ATP12A: variants seen among roughly 807,000 people sequenced by gnomAD.
ATP12A encodes the protein potassium-transporting ATPase alpha chain 2.
Under a neutral mutation model 111.2 loss-of-function variants are expected in ATP12A, and 81 were observed. That is an observed-to-expected ratio of 0.73 (90% CI 0.61 to 0.88). The LOEUF is 0.88. ATP12A is among the 40% of genes least tolerant of loss of function. The pLI, the probability that ATP12A is intolerant of heterozygous loss-of-function variation, is 0.00. For synonymous variants in ATP12A, 498 were observed against 499.8 expected, an observed-to-expected ratio of 1.00 and a Z score of 0.05; for missense variants, 1,196 against 1,313.1, an observed-to-expected ratio of 0.91 and a Z score of 1.38.
At chr13:24,684,002 T>C (rs1360562158) in intron 2 of ATP12A, among the ~76,000 whole-genome samples, 1 of 152,080 alleles carries the variant, frequency 6.6e-6, no homozygotes, top group Non-Finnish European at 1.5e-5. Flanking sequence ...GTGGGTGGGG[T>C]GCTGCCCTGT....
intron 17 of ATP12A, among the ~76,000 whole-genome samples, chr13:24,708,949 G>T (rs1373964060): frequency 2.1e-5 from 3 of 140,456 alleles, no homozygotes; most frequent in African/African-American, 8.0e-5. Context: ...AAGAAAGAAA[G>T]AAAGAAAGAA....
intron 17 of ATP12A, among the ~76,000 whole-genome samples, chr13:24,708,882 GA>G (rs1875790532): frequency 1.1e-5 from 1 of 92,172 alleles, no homozygotes; most frequent in Non-Finnish European, 2.5e-5. Flanking sequence ...GAAAGAGAGA[GA>G]AAGAGAAAGA....
chr13:24,710,643 G>A (rs1328500287), intron 20 of ATP12A, 50 bp downstream of exon 20: 3 of 1,611,932 alleles, frequency 1.9e-6, no homozygotes, highest in Admixed American at 3.3e-5. Flanking sequence ...TGCCGTGCAA[G>A]GATGATGATG....
intron 11 of ATP12A, among the ~76,000 whole-genome samples, chr13:24,695,902 C>G (rs1172850572): frequency 1.3e-5 from 2 of 152,168 alleles, no homozygotes; most frequent in Non-Finnish European, 2.9e-5. Context: ...AGCCACCAAG[C>G]CCAGCCTAGA....
intron 12 of ATP12A, 56 bp from the exon 13 acceptor site, chr13:24,700,690 AT>A (rs947474353): frequency 1.4e-4 from 222 of 1,532,630 alleles, no homozygotes; most frequent in Middle Eastern, 3.8e-4. Context: ...TTCTCCTCTT[AT>A]TTTTTTTCGT....
intron 11 of ATP12A, 61 bp from the exon 12 acceptor site, chr13:24,698,597 A>G (rs1875263962): frequency 6.5e-7 from 1 of 1,529,698 alleles, no homozygotes; most frequent in Admixed American, 1.7e-5. Flanking sequence ...ATGGACCAGT[A>G]GAGAAGAAGG....
intron 3 of ATP12A, among the ~76,000 whole-genome samples, chr13:24,686,257 A>G (rs1259522312): frequency 3.3e-5 from 5 of 151,760 alleles, no homozygotes; most frequent in Non-Finnish European, 5.9e-5. Context: ...TGACCAACAT[A>G]GTGAAACCCC....
intron 21 of ATP12A, 68 bp from the exon 22 acceptor site, chr13:24,711,242 GCCCCATTC>G: frequency 7.5e-7 from 1 of 1,325,004 alleles, no homozygotes; most frequent in Non-Finnish European, 1.1e-6. Context: ...TGAACGAGAA[GCCCCATTC>G]CCATTGGGCA....
chr13:24,702,653 C>T (rs1875446926), intron 14 of ATP12A, among the ~76,000 whole-genome samples: 1 of 152,208 alleles, frequency 6.6e-6, no homozygotes, highest in African/African-American at 2.4e-5. Context: ...TACATTCACT[C>T]ATGTATTTGT....
chr13:24,690,974 C>T lies in ATP12A; in HGVS notation c.800-8C>T, dbSNP rs1874871335. ...ACCCCTGGAATAAAGCATCTACTTC[C>T]CCTGTAGGCACTGTCACCGGCATGG... On this transcript the variant is annotated splice_polypyrimidine_tract_variant and splice_region_variant and intron_variant, in intron 7 of 22. Coordinates refer to ENST00000381946, the MANE Select transcript of ATP12A (RefSeq NM_001676.7). The T allele has an allele frequency of 6.2e-7, 1 of 1,613,794 alleles. No homozygotes were observed. Among genetic ancestry groups the T allele is most frequent in the African/African-American group, 1.3e-5 (1 of 74,906 alleles).
At chr13:24,709,951 C>T (rs1408239557) in intron 19 of ATP12A, 123 bp downstream of exon 19, 17 of 1,403,772 alleles carry the variant, frequency 1.2e-5, no homozygotes, top group Admixed American at 2.1e-5. Context: ...TAATAGGGCT[C>T]AGGGCCCCCT....
At chr13:24,696,050 C>G (rs1483033701) in intron 11 of ATP12A, among the ~76,000 whole-genome samples, 1 of 152,078 alleles carries the variant, frequency 6.6e-6, no homozygotes, top group Non-Finnish European at 1.5e-5. Flanking sequence ...TACGTAAAAC[C>G]AAAGTGAAAA....
At position 24,707,496 on chromosome 13, in the gene ATP12A, G is replaced by A. The variant is rs536130707; in HGVS notation, c.2493+63G>A. On this transcript the variant is annotated intron_variant, in intron 17 of 22. Coordinates refer to ENST00000381946, the MANE Select transcript of ATP12A (RefSeq NM_001676.7). ...CCCAGGGGAGGTCAAGTTCAGGGTC[G>A]CTACCTTCAAGGGCCGGGGATGGAC... 2.8e-5 allele frequency: 44 copies of A among 1,599,608 alleles called. 1 individual carries two copies. The highest frequency in any genetic ancestry group is 5.1e-5 in the Admixed American group (3 of 59,356).
rs1875360295 is a variant in ATP12A at position 24,700,812 on chromosome 13, A to G, written c.1771A>G (p.Met591Val). 3 of 1,614,116 alleles carry G rather than the reference A, an allele frequency of 1.9e-6. No individual in the cohort carries two copies. Among genetic ancestry groups the G allele is most frequent in the Non-Finnish European group, 2.5e-6 (3 of 1,180,026 alleles). ...AACCTACTCATTTGACATAGACGCT[A>G]TGAACTTTCCGACCTCCAACCTCTG... ...PETYSFDIDA[M>V]NFPTSNLCFV... The change falls in exon 13 of 23, where the codon ATG becomes GTG. Residue 591 changes from methionine to valine, a missense_variant. This residue lies in a region of ATP12A where 1,126 missense variants were observed against 1,228.5 expected (regional missense o/e 0.92). Coordinates refer to ENST00000381946, the MANE Select transcript of ATP12A (RefSeq NM_001676.7).
chr13:24,690,221 G>A (rs1220802242), intron 5 of ATP12A, 117 bp from the exon 6 acceptor site: 1 of 1,484,738 alleles, frequency 6.7e-7, no homozygotes, highest in Non-Finnish European at 9.1e-7. Flanking sequence ...GGACTCAACA[G>A]TGAGAGTGAT....
intron 12 of ATP12A, among the ~76,000 whole-genome samples, chr13:24,699,184 G>A (rs1189047359): frequency 6.6e-6 from 1 of 152,184 alleles, no homozygotes; most frequent in Non-Finnish European, 1.5e-5. Context: ...ACGGCGTGGG[G>A]CACATTGGGT....
intron 4 of ATP12A, among the ~76,000 whole-genome samples, chr13:24,688,825 C>T (rs1235605247): frequency 6.6e-6 from 1 of 152,098 alleles, no homozygotes; most frequent in Non-Finnish European, 1.5e-5. Context: ...CTGTGCCTGC[C>T]GAGACATGAG....
At chr13:24,693,824 T>A (rs1437213324) in intron 10 of ATP12A, among the ~76,000 whole-genome samples, 1 of 152,238 alleles carries the variant, frequency 6.6e-6, no homozygotes, top group African/African-American at 2.4e-5. Context: ...AAAATATACA[T>A]AACTTTAGTA....
rs953223084 is a variant in ATP12A, at chr13:24,685,986, G to C, written c.228+613G>C. ...ACTAATGAGTAGGAGCTGTCTTAGA[G>C]GCAGAAGGGACATGGTTTCCACACA... On this transcript the variant is annotated intron_variant, in intron 3 of 22. Transcript: ENST00000381946. This position sits in a 1 kb window ranked among gnomAD's most constrained non-coding sequence, Gnocchi z 5.5. Among the ~76,000 whole-genome samples the C allele has an allele frequency of 5.3e-5, 8 of 152,234 alleles. No individual in the cohort carries two copies. The highest frequency in any genetic ancestry group is 1.9e-4 in the African/African-American group (8 of 41,460).
Sources: gnomAD v4.1 joint callset for allele counts (sites outside exome capture counted in the v4.1 genomes callset) on GRCh38, gnomAD v4.1.1 for gene constraint, gnomAD v4.1.1 regional missense constraint, Gnocchi (gnomAD v3.1) non-coding constraint, MANE v1.5 for transcripts, NCBI Gene and HGNC (gene_info 2026-07-23, HGNC 2026-07-21) for gene names.